SH3RF1: variants seen among roughly 807,000 people sequenced by gnomAD.
SH3RF1 encodes the protein SH3 domain containing ring finger 1, also known as E3 ubiquitin-protein ligase SH3RF1.
SH3RF1 carries 32 observed loss-of-function variants against 74.0 expected under a neutral mutation model. That is an observed-to-expected ratio of 0.43 (90% CI 0.33 to 0.58). The LOEUF (loss-of-function observed/expected upper bound fraction) is 0.58. Among genes scored for constraint, SH3RF1 ranks in the 20% least tolerant of loss-of-function variants. SH3RF1 has a pLI of 0.05. For missense variants in SH3RF1, 954 were observed against 1,130.9 expected (o/e 0.84, Z 2.24); for synonymous variants, 396 against 439.6 (o/e 0.90, Z 1.24).
chr4:169,242,249 T>C (rs1465717902), intron 2 of SH3RF1, among the ~76,000 whole-genome samples: 1 of 152,128 alleles, frequency 6.6e-6, no homozygotes, highest in Non-Finnish European at 1.5e-5. Flanking sequence ...TAATCACAAA[T>C]ATAAAACTGC....
intron 2 of SH3RF1, among the ~76,000 whole-genome samples, chr4:169,190,588 C>CAA (rs752110476): frequency 7.3e-6 from 1 of 136,808 alleles, no homozygotes; most frequent in Non-Finnish European, 1.6e-5. Context: ...TTAAAATTAC[C>CAA]AAAAAAAAAA....
rs554510421 is a variant in SH3RF1 at position 169,224,214 on chromosome 4, G to A, written c.393+44606C>T. ...GAGACAGATCCTGTATGGCCTTGTG[G>A]TCATAAATATGATTTTGTTCTAAGT... On this transcript the variant is annotated intron_variant, in intron 2 of 11. Coordinates refer to ENST00000284637, the MANE Select transcript of SH3RF1 (RefSeq NM_020870.4). 7.6e-4 allele frequency among the ~76,000 whole-genome samples: 115 copies of A among 152,258 alleles called. 1 individual carries two copies. The South Asian group carries it at 0.018, about 24-fold the overall frequency.
intron 2 of SH3RF1, among the ~76,000 whole-genome samples, chr4:169,196,034 G>A (rs1734804916): frequency 6.6e-6 from 1 of 152,046 alleles, no homozygotes; most frequent in African/African-American, 2.4e-5. Flanking sequence ...GGCTGGTCTA[G>A]AACTCCTGAC....
At chr4:169,248,769 C>T (rs1349131203) in intron 2 of SH3RF1, among the ~76,000 whole-genome samples, 6 of 152,186 alleles carry the variant, frequency 3.9e-5, no homozygotes. Flanking sequence ...ACTATTCAGA[C>T]ACAGACAACA....
At position 169,142,110 on chromosome 4, in the gene SH3RF1, A is replaced by G. The variant is rs560269813; in HGVS notation, c.766-5490T>C. ...TGGGATTACAGGTGTGAGCCACTGC[A>G]CCTGGCCTTAATTTGCAATTTTTTT... is the stretch of plus-strand genomic sequence containing the variant. On this transcript the variant is annotated intron_variant, in intron 4 of 11. Coordinates refer to ENST00000284637, the MANE Select transcript of SH3RF1 (RefSeq NM_020870.4). 3.3e-5 allele frequency among the ~76,000 whole-genome samples: 5 copies of G among 151,370 alleles called. No individual in the cohort carries two copies. The East Asian group carries it at 9.7e-4, about 29-fold the overall frequency.
intron 2 of SH3RF1, among the ~76,000 whole-genome samples, chr4:169,188,880 C>T (rs925523732): frequency 7.2e-5 from 11 of 152,058 alleles, no homozygotes; most frequent in South Asian, 4.1e-4. Context: ...TTGGTGGTTG[C>T]GTCACTAAGA....
intron 2 of SH3RF1, among the ~76,000 whole-genome samples, chr4:169,264,145 T>G (rs1172341871): frequency 1.3e-5 from 2 of 152,176 alleles, no homozygotes. Context: ...CTGGGTGGCT[T>G]AAACAACAAA....
chr4:169,126,931 G>A (rs914705240), intron 6 of SH3RF1, among the ~76,000 whole-genome samples: 3 of 152,130 alleles, frequency 2.0e-5, no homozygotes, highest in Non-Finnish European at 4.4e-5. Context: ...TTATAAATTG[G>A]CCATGAGTGG....
intron 11 of SH3RF1, 30 bp from the exon 12 acceptor site, chr4:169,096,717 G>A (rs769553593): frequency 6.3e-6 from 10 of 1,583,840 alleles, no homozygotes; most frequent in South Asian, 3.5e-5. Context: ...TGGTTAAGGC[G>A]ATTCAAAGCA....
chr4:169,136,812 G>A (rs1247155485), intron 4 of SH3RF1, among the ~76,000 whole-genome samples, 192 bp from the exon 5 acceptor site: 1 of 152,082 alleles, frequency 6.6e-6, no homozygotes, highest in African/African-American at 2.4e-5. Flanking sequence ...TATATCACAG[G>A]TAGATATTAA....
chr4:169,194,272 A>G (rs77081223), intron 2 of SH3RF1, among the ~76,000 whole-genome samples: 1,588 of 152,318 alleles, frequency 0.01, 30 homozygotes, highest in African/African-American at 0.037. Context: ...TTTGTCACAA[A>G]GGGAAACACT....
intron 2 of SH3RF1, among the ~76,000 whole-genome samples, chr4:169,202,618 T>C (rs1734929230): frequency 6.6e-6 from 1 of 152,200 alleles, no homozygotes. Context: ...GGGTAGTAAA[T>C]ACCTACCTTC....
At chr4:169,264,788 C>T (rs1018205753) in intron 2 of SH3RF1, among the ~76,000 whole-genome samples, 1 of 152,206 alleles carries the variant, frequency 6.6e-6, no homozygotes, top group Non-Finnish European at 1.5e-5. Flanking sequence ...ATGCCTTCTA[C>T]ATTATCAAAT....
chr4:169,262,278 TTAA>T (rs1259224062), intron 2 of SH3RF1, among the ~76,000 whole-genome samples: 1 of 152,226 alleles, frequency 6.6e-6, no homozygotes, highest in African/African-American at 2.4e-5. Context: ...ATATACACAC[TTAA>T]TAACATATTC....
intron 2 of SH3RF1, among the ~76,000 whole-genome samples, chr4:169,188,900 A>G (rs1458865176): frequency 1.3e-5 from 2 of 152,242 alleles, no homozygotes; most frequent in Non-Finnish European, 2.9e-5. Context: ...AAAATAGTTT[A>G]TCAATGTACC....
chr4:169,256,707 C>T (rs916592992), intron 2 of SH3RF1, among the ~76,000 whole-genome samples: 1 of 152,148 alleles, frequency 6.6e-6, no homozygotes, highest in Non-Finnish European at 1.5e-5. Flanking sequence ...AGCGATCCTC[C>T]AGCCTCAGCC....
intron 11 of SH3RF1, among the ~76,000 whole-genome samples, chr4:169,103,785 C>T (rs1169411905): frequency 6.6e-6 from 1 of 152,138 alleles, no homozygotes; most frequent in Non-Finnish European, 1.5e-5. Context: ...GTCAGATTGG[C>T]TATTATATTT....
chr4:169,166,677 G>A (rs1380244573), intron 2 of SH3RF1: 1 of 200,016 alleles, frequency 5.0e-6, no homozygotes, highest in African/African-American at 2.4e-5. Flanking sequence ...GTCAGCATGT[G>A]ACAAACTGCG....
At chr4:169,184,529 G>A (rs1339264485) in intron 2 of SH3RF1, among the ~76,000 whole-genome samples, 3 of 152,118 alleles carry the variant, frequency 2.0e-5, no homozygotes, top group Non-Finnish European at 4.4e-5. Flanking sequence ...TTCCTTTTGA[G>A]CCAAATTTAA....
Sources: gnomAD v4.1 joint callset for allele counts (sites outside exome capture counted in the v4.1 genomes callset) on GRCh38, gnomAD v4.1.1 for gene constraint, MANE v1.5 for transcripts, NCBI Gene and HGNC (gene_info 2026-07-23, HGNC 2026-07-21) for gene names.